Variants in DIS3L observed in about 807,000 individuals in gnomAD.
DIS3L encodes the protein DIS3-like exonuclease 1.
In DIS3L, 100 loss-of-function variants were observed where a neutral mutation model predicts 120.3. That is an observed-to-expected ratio of 0.83 (90% CI 0.71 to 0.98). DIS3L has a LOEUF of 0.98. Among genes scored for constraint, DIS3L ranks in the 50% least tolerant of loss-of-function variants. The pLI, the probability that DIS3L is intolerant of heterozygous loss-of-function variation, is 0.00. For synonymous variants in DIS3L, 426 were observed against 470.6 expected (o/e 0.91, Z 1.23); for missense variants, 1,196 against 1,314.2 (o/e 0.91, Z 1.39).
At chr15:66,314,139 A>C in intron 6 of DIS3L, 22 bp downstream of exon 6, 1 of 1,435,756 alleles carries the variant, frequency 7.0e-7, no homozygotes, top group African/African-American at 1.5e-5. Context: ...ACCTTACATA[A>C]ATTTCCATAC....
chr15:66,317,402 G>A (rs8035939), intron 7 of DIS3L, among the ~76,000 whole-genome samples: 15,370 of 151,190 alleles, frequency 0.1, 820 homozygotes, highest in African/African-American at 0.14. Context: ...GTTTGGTCTC[G>A]GCTTCAGTCA....
Position 66,295,015 on chromosome 15 carries a change from C to G in DIS3L, c.167C>G (p.Thr56Ser). 1 of 1,613,824 alleles carries G rather than the reference C, an allele frequency of 6.2e-7. No individual in the cohort carries two copies. Among genetic ancestry groups the G allele is most frequent in the Non-Finnish European group, 8.5e-7 (1 of 1,179,842 alleles). Residue 56 changes from threonine (T) to serine (S), a missense_variant, in exon 2 of 17, where the codon ACT (threonine) becomes AGT (serine). Transcript: ENST00000319212. ...GGGAAACTCTTGTCTAGTGATGTGACTCATTACGTGATCCCAGACTGGAAA... is the reference window on the plus strand; with the variant it reads ...GGGAAACTCTTGTCTAGTGATGTGAGTCATTACGTGATCCCAGACTGGAAA... ...HDGKLLSSDV[T>S]HYVIPDWKVV...
chr15:66,293,882 C>G (rs895078724), intron 1 of DIS3L, 147 bp downstream of exon 1: 183 of 1,004,172 alleles, frequency 1.8e-4, no homozygotes, highest in Non-Finnish European at 2.0e-4. Flanking sequence ...GGCCTCACCC[C>G]CCGGCTCTCT....
At position 66,294,978 on chromosome 15, in the gene DIS3L, T is replaced by A. The variant is rs1313843789; in HGVS notation, c.140-10T>A. On this transcript the variant is annotated splice_polypyrimidine_tract_variant and intron_variant, in intron 1 of 16. Transcript: ENST00000319212. ...TTGTCTAATCTCTTACATTTTGAAT[T>A]ATGTTTCAGATGGGAAACTCTTGTC... 1 of 1,600,960 alleles carries A rather than the reference T, an allele frequency of 6.2e-7. No individual in the cohort carries two copies. Among genetic ancestry groups the A allele is most frequent in the Admixed American group, 1.7e-5 (1 of 57,938 alleles).
intron 9 of DIS3L, among the ~76,000 whole-genome samples, chr15:66,321,470 TA>T: frequency 6.6e-6 from 1 of 152,198 alleles, no homozygotes; most frequent in Admixed American, 6.5e-5. Flanking sequence ...TTCAGTGTTA[TA>T]AAAAAATGTA....
rs992350645 is a variant in DIS3L at position 66,294,901 on chromosome 15, T to G, written c.140-87T>G. ...CCACCATGGAGTTAAGACTGGAAGT[T>G]ATTTTGCATGCCAGAGCACCGTGAC... On this transcript the variant is annotated intron_variant, in intron 1 of 16. Coordinates refer to ENST00000319212, the MANE Select transcript of DIS3L (RefSeq NM_001143688.3). 5 of 1,350,446 alleles carry G rather than the reference T, an allele frequency of 3.7e-6. No individual in the cohort carries two copies. The African/African-American group carries it at 5.9e-5, about 16-fold the overall frequency. 83.7% of individuals were successfully genotyped at this position (1,350,446 alleles called of 1,614,324 possible). A position where few individuals can be genotyped will look rare whatever the true frequency, so the allele number is the denominator to read the frequency against.
intron 2 of DIS3L, among the ~76,000 whole-genome samples, chr15:66,304,089 C>T (rs1007660037): frequency 5.2e-4 from 38 of 72,612 alleles, no homozygotes; most frequent in Non-Finnish European, 7.3e-4. Context: ...GACTCTGTTT[C>T]AAAAAAAAAA....
upstream of DIS3L, chr15:66,293,541 C>A: frequency 1.5e-6 from 2 of 1,349,092 alleles, no homozygotes; most frequent in Non-Finnish European, 1.9e-6. Flanking sequence ...GGTCCGAGGC[C>A]GCGGCCTTGC....
intron 8 of DIS3L, among the ~76,000 whole-genome samples, chr15:66,319,980 T>C (rs368826345): frequency 7.5e-6 from 1 of 133,630 alleles, no homozygotes; most frequent in Non-Finnish European, 1.6e-5. Context: ...AAAAATTAGG[T>C]GGGCATGGTG....
intron 2 of DIS3L, among the ~76,000 whole-genome samples, chr15:66,304,757 C>A (rs34093373): frequency 2.6e-5 from 4 of 151,590 alleles, no homozygotes; most frequent in South Asian, 2.1e-4. Context: ...CAAAATTAGC[C>A]AGGCATGGTG....
At chr15:66,318,937 C>T (rs1275583579) in intron 8 of DIS3L, among the ~76,000 whole-genome samples, 1 of 152,022 alleles carries the variant, frequency 6.6e-6, no homozygotes, top group African/African-American at 2.4e-5. Context: ...GGATTACAGG[C>T]TCCCGCCACC....
chr15:66,301,014 C>T (rs1159963069), intron 2 of DIS3L, among the ~76,000 whole-genome samples: 2 of 152,180 alleles, frequency 1.3e-5, no homozygotes, highest in Non-Finnish European at 2.9e-5. Flanking sequence ...ACATTTAGTA[C>T]AGAATTCACT....
At chr15:66,319,608 CCT>C (rs2092858584) in intron 8 of DIS3L, among the ~76,000 whole-genome samples, 1 of 152,178 alleles carries the variant, frequency 6.6e-6, no homozygotes, top group South Asian at 2.1e-4. Context: ...TTTAATTCCC[CCT>C]GATATTTTAC....
chr15:66,328,872 T>G, intron 12 of DIS3L, 98 bp from the exon 13 acceptor site: 7 of 1,416,548 alleles, frequency 4.9e-6, no homozygotes, highest in Non-Finnish European at 6.6e-6. Flanking sequence ...TACTGGCAGA[T>G]GAAGGTATTC....
rs2092967310 is a variant in DIS3L, at chr15:66,328,975, A to G, written c.2207A>G (p.Asn736Ser). The change falls in exon 13 of 17, where the codon AAT becomes AGT. Residue 736 changes from asparagine to serine, a missense_variant. By Grantham distance (46) the Asn-to-Ser change is conservative. Coordinates refer to ENST00000319212, the MANE Select transcript of DIS3L (RefSeq NM_001143688.3). ...AKGFFIDTRS[N>S]KTLADSLDNA... ...GTTTTTCTGTTCTTTGTCAGGTCCA[A>G]TAAAACACTGGCTGATTCTCTGGAT... The G allele has an allele frequency of 6.2e-7, 1 of 1,611,500 alleles. No homozygotes were observed. Among genetic ancestry groups the G allele is most frequent in the Non-Finnish European group, 8.5e-7 (1 of 1,179,364 alleles).
chr15:66,294,946 GA>G, intron 1 of DIS3L, 41 bp from the exon 2 acceptor site: 10 of 1,545,056 alleles, frequency 6.5e-6, no homozygotes, highest in African/African-American at 1.4e-5. Flanking sequence ...AACCAGGTTT[GA>G]AAACATTGTC....
intron 6 of DIS3L, among the ~76,000 whole-genome samples, chr15:66,314,541 T>C (rs2092797975): frequency 6.6e-6 from 1 of 152,170 alleles, no homozygotes; most frequent in Non-Finnish European, 1.5e-5. Context: ...AGTTCTGTAA[T>C]GACAGGGTGA....
chr15:66,306,955 A>G lies in DIS3L; in HGVS notation c.422+3A>G, dbSNP rs760201308. On this transcript the variant is annotated splice_donor_region_variant and intron_variant, in intron 3 of 16. Coordinates refer to ENST00000319212, the MANE Select transcript of DIS3L (RefSeq NM_001143688.3). ...TCCATGGAGAAGTGGCAGACCAGGT[A>G]TGGCCCTGACTTGCTGCTGTTTTCA... 8 of 1,613,942 alleles carry G rather than the reference A, an allele frequency of 5.0e-6. No homozygotes were observed. The South Asian group carries it at 7.7e-5, about 16-fold the overall frequency.
At chr15:66,293,824 G>A in intron 1 of DIS3L, 89 bp downstream of exon 1, 1 of 1,050,238 alleles carries the variant, frequency 9.5e-7, no homozygotes, top group Non-Finnish European at 1.1e-6. Context: ...CGGAGCGCCA[G>A]CGGCGGGGAC....
Sources: gnomAD v4.1 joint callset for allele counts (sites outside exome capture counted in the v4.1 genomes callset) on GRCh38, gnomAD v4.1.1 for gene constraint, MANE v1.5 for transcripts, NCBI Gene and HGNC (gene_info 2026-07-23, HGNC 2026-07-21) for gene names.